The following NLRP1 variants were observed in gnomAD, a reference collection of about 807,000 sequenced individuals.
The protein encoded by NLRP1 is NACHT, LRR and PYD domains-containing protein 1.
In NLRP1, 94 loss-of-function variants were observed where a neutral mutation model predicts 136.7. The observed-to-expected ratio is 0.69, with a 90% confidence interval of 0.58 to 0.82. NLRP1 has a LOEUF of 0.82. Ranked by LOEUF, NLRP1 falls within the 40% of genes least tolerant of loss-of-function variation. NLRP1 has a pLI of 0.00. For missense variants in NLRP1, 1,575 were observed against 1,802.7 expected (o/e 0.87, Z 2.29); for synonymous variants, 690 against 725.1 (o/e 0.95, Z 0.78).
Position 5,521,718 on chromosome 17 carries a change from G to C in NLRP1, c.3589C>G (p.Pro1197Ala), listed in dbSNP as rs764029749. The C allele has an allele frequency of 1.2e-6, 2 of 1,613,252 alleles. No homozygotes were observed. Among genetic ancestry groups the C allele is most frequent in the Non-Finnish European group, 8.5e-7 (1 of 1,179,958 alleles). The change falls in exon 13 of 17, where the codon CCA (proline) becomes GCA (alanine). Residue 1197 changes from proline to alanine, a missense_variant. Physicochemically the swap from Pro to Ala is conservative, Grantham distance 27 (BLOSUM62 -1). Coordinates refer to ENST00000572272, the MANE Select transcript of NLRP1 (RefSeq NM_033004.4). ...ATGTGATGCAGCTCCACCCTGGCTG[G>C]CTTCTCCAGGAGCATCCCCTCCTCT... is the stretch of plus-strand genomic sequence containing the variant. Reference protein sequence around the residue: ...FKEEGMLLEKPARVELHHIVL... With the variant: ...FKEEGMLLEKAARVELHHIVL...
At chr17:5,516,574 G>A (rs565971023) in intron 15 of NLRP1, among the ~76,000 whole-genome samples, 53 of 152,290 alleles carry the variant, frequency 3.5e-4, no homozygotes, top group South Asian at 1.0e-3. Flanking sequence ...ACATTGCTAC[G>A]ATTTGTTAAG....
intron 3 of NLRP1, among the ~76,000 whole-genome samples, chr17:5,579,837 C>A (rs1905407311): frequency 4.6e-5 from 7 of 152,118 alleles, no homozygotes; most frequent in Admixed American, 4.6e-4. Context: ...CGCATGTTCT[C>A]ATTCATAAGT....
intron 3 of NLRP1, among the ~76,000 whole-genome samples, chr17:5,568,326 T>G (rs1466623171): frequency 1.3e-5 from 2 of 152,200 alleles, no homozygotes; most frequent in Non-Finnish European, 2.9e-5. Context: ...TTCTGCTGGA[T>G]CCATTCTGCT....
At chr17:5,571,268 T>C (rs1915833443) in intron 3 of NLRP1, among the ~76,000 whole-genome samples, 1 of 152,074 alleles carries the variant, frequency 6.6e-6, no homozygotes, top group African/African-American at 2.4e-5. Flanking sequence ...AGCAATCAGG[T>C]AAGAGAAAGA....
At chr17:5,524,774 C>T (rs12950902) in intron 12 of NLRP1, among the ~76,000 whole-genome samples, 8,964 of 152,296 alleles carry the variant, frequency 0.059, 318 homozygotes, top group Middle Eastern at 0.099. Context: ...CACTAACAGA[C>T]GCTCGGTGCC....
Position 5,559,970 on chromosome 17 carries a change from T to TG in NLRP1, c.725dup (p.Gln243ThrfsTer30). 1.2e-6 allele frequency: 2 copies of TG among 1,613,440 alleles called. No individual in the cohort carries two copies. Among genetic ancestry groups the TG allele is most frequent in the African/African-American group, 1.3e-5 (1 of 75,042 alleles). ...GGGGCTGTAGGCTGGTGTGCGCCTG[T>TG]GGGGGCGTTCCTACCACCGCTGCCC... On this transcript the variant is annotated frameshift_variant, in exon 4 of 17. Transcript: ENST00000572272. LOFTEE classifies it high-confidence loss of function.
chr17:5,514,655 G>T lies in NLRP1; in HGVS notation c.*99C>A, dbSNP rs188196063. 4.5e-6 allele frequency: 7 copies of T among 1,541,258 alleles called. No individual in the cohort carries two copies. Among genetic ancestry groups the T allele is most frequent in the Non-Finnish European group, 5.2e-6 (6 of 1,143,120 alleles). ...AGTTCCATTACTTTAGTGCTGGAAG[G>T]CAAACCAGATGGCAACTTGTTTGCA... On this transcript the variant is annotated 3_prime_UTR_variant, in exon 17 of 17. Transcript: ENST00000572272.
chr17:5,581,038 T>C (rs1295190271), intron 3 of NLRP1, among the ~76,000 whole-genome samples: 2 of 152,240 alleles, frequency 1.3e-5, no homozygotes, highest in African/African-American at 4.8e-5. Context: ...TAAACTGATA[T>C]ACTTTGAGCC....
intron 14 of NLRP1, among the ~76,000 whole-genome samples, chr17:5,519,286 G>C: frequency 6.6e-6 from 1 of 151,190 alleles, no homozygotes; most frequent in East Asian, 2.0e-4. Flanking sequence ...ACAGGCTTGA[G>C]CCACCACACC....
intron 11 of NLRP1, 121 bp from the exon 12 acceptor site, chr17:5,530,825 A>G: frequency 2.8e-6 from 2 of 702,656 alleles, no homozygotes; most frequent in South Asian, 3.4e-5. Context: ...AGACTTCGGA[A>G]TCAGATGGAC....
chr17:5,503,146 TGATG>T (rs1907171989), intron 15 of NLRP1: 1 of 152,466 alleles, frequency 6.6e-6, no homozygotes. Context: ...TGGAATTGTG[TGATG>T]GATGATTGGA....
chr17:5,532,107 C>T (rs951039157), intron 11 of NLRP1, among the ~76,000 whole-genome samples: 6 of 152,134 alleles, frequency 3.9e-5, no homozygotes, highest in East Asian at 1.9e-4. Context: ...ATTTTTCACA[C>T]GTGGTGGCAT....
At chr17:5,554,839 T>C (rs1390300887) in intron 4 of NLRP1, among the ~76,000 whole-genome samples, 4 of 152,120 alleles carry the variant, frequency 2.6e-5, no homozygotes, top group East Asian at 3.9e-4. Context: ...CTGGGCAACA[T>C]AGTAAGATCC....
In NLRP1 at chr17:5,534,259, C is replaced by T. The variant is rs559541112; in HGVS notation, c.2961-271G>A. 2.6e-5 allele frequency among the ~76,000 whole-genome samples: 4 copies of T among 152,254 alleles called. No homozygotes were observed. The East Asian group carries it at 7.7e-4, about 29-fold the overall frequency. ...GTGGCATGCACCTGTATCCCAGCTACTTGGAAGGCTGAAGTGGGAGGATCA... is the reference window on the plus strand; with the variant it reads ...GTGGCATGCACCTGTATCCCAGCTATTTGGAAGGCTGAAGTGGGAGGATCA... On this transcript the variant is annotated intron_variant, in intron 8 of 16. Transcript: ENST00000572272.
chr17:5,541,990 C>T lies in NLRP1; in HGVS notation c.2566G>A (p.Asp856Asn). The T allele has an allele frequency of 4.3e-6, 7 of 1,614,022 alleles. No individual in the cohort carries two copies. Among genetic ancestry groups the T allele is most frequent in the Non-Finnish European group, 5.9e-6 (7 of 1,179,972 alleles). Residue 856 changes from aspartate to asparagine, a missense_variant, in exon 6 of 17, where the codon GAC (aspartate) becomes AAC (asparagine). Coordinates refer to ENST00000572272, the MANE Select transcript of NLRP1 (RefSeq NM_033004.4). This position sits in a 1 kb window ranked among gnomAD's most constrained non-coding sequence, Gnocchi z 4.2. ...TTGGCTCTCAGCCCAAAGGCAAGGTCCTTGCAGTCCTCAGCTGTGAGGCCA... is the reference window on the plus strand; with the variant it reads ...TTGGCTCTCAGCCCAAAGGCAAGGTTCTTGCAGTCCTCAGCTGTGAGGCCA... ...GCGLTAEDCK[D>N]LAFGLRANQT...
Position 5,542,112 on chromosome 17 carries a change from A to G in NLRP1, c.2529-85T>C, listed in dbSNP as rs946940627. On this transcript the variant is annotated intron_variant, in intron 5 of 16. Transcript: ENST00000572272. ...CATAAGCAACCATTAATCACCTACTATGCACCAGGCCTGTGGGCCAGGCAG... is the reference window on the plus strand; with the variant it reads ...CATAAGCAACCATTAATCACCTACTGTGCACCAGGCCTGTGGGCCAGGCAG... 6 of 1,347,482 alleles carry G rather than the reference A, an allele frequency of 4.5e-6. No homozygotes were observed. In the African/African-American group the frequency reaches 8.6e-5, roughly 19 times the overall value. The allele number at this position is 1,347,482 out of a possible 1,614,324, so 83.5% of individuals were successfully genotyped here. A position where few individuals can be genotyped will look rare whatever the true frequency, so the allele number is the denominator to read the frequency against.
intron 3 of NLRP1, among the ~76,000 whole-genome samples, chr17:5,572,922 C>A (rs1904568972): frequency 6.6e-6 from 1 of 152,164 alleles, no homozygotes; most frequent in Non-Finnish European, 1.5e-5. Flanking sequence ...TCTGTATTTC[C>A]AACTGAGGTA....
At chr17:5,532,251 C>T (rs1248161542) in intron 11 of NLRP1, among the ~76,000 whole-genome samples, 2 of 152,040 alleles carry the variant, frequency 1.3e-5, no homozygotes, top group Admixed American at 6.6e-5. Flanking sequence ...TGTCTCAAAA[C>T]CAAATCAAAC....
chr17:5,555,056 C>T lies in NLRP1; in HGVS notation c.2358-1500G>A, dbSNP rs57427588. Among the ~76,000 whole-genome samples the T allele has an allele frequency of 4.9e-4, 70 of 141,576 alleles. 4 individuals carry two copies. Among genetic ancestry groups the T allele is most frequent in the African/African-American group, 1.0e-3 (39 of 38,932 alleles). The allele number at this position is 141,576 out of a possible 152,430, so 92.9% of individuals were successfully genotyped here. A position where few individuals can be genotyped will look rare whatever the true frequency, so the allele number is the denominator to read the frequency against. ...ACACACACACACACACACACACACACGAAAAAAAGCCATAAATGAAAGCTT... is the reference window on the plus strand; with the variant it reads ...ACACACACACACACACACACACACATGAAAAAAAGCCATAAATGAAAGCTT... On this transcript the variant is annotated intron_variant, in intron 4 of 16. Coordinates refer to ENST00000572272, the MANE Select transcript of NLRP1 (RefSeq NM_033004.4).
Sources: allele counts gnomAD v4.1 joint callset (sites outside exome capture counted in the v4.1 genomes callset), GRCh38; gene constraint gnomAD v4.1.1; non-coding constraint Gnocchi (gnomAD v3.1); transcripts MANE v1.5; gene names NCBI Gene and HGNC (gene_info 2026-07-23, HGNC 2026-07-21).